Variants in ABI1 observed in about 807,000 individuals in gnomAD.
ABI1 encodes the protein abl interactor 1.
A neutral mutation model predicts 54.6 loss-of-function variants in ABI1; 14 were observed. That is an observed-to-expected ratio of 0.26 (90% CI 0.17 to 0.40). The LOEUF is 0.40. Ranked by LOEUF, ABI1 falls within the 10% of genes least tolerant of loss-of-function variation. The pLI is 1.00. For synonymous variants in ABI1, 194 were observed against 209.3 expected, an observed-to-expected ratio of 0.93 and a Z score of 0.63; for missense variants, 443 against 598.3, an observed-to-expected ratio of 0.74 and a Z score of 2.71.
chr10:26,785,723 T>TG (rs1480052580), intron 2 of ABI1, among the ~76,000 whole-genome samples: 4 of 148,824 alleles, frequency 2.7e-5, no homozygotes, highest in Admixed American at 2.0e-4. Context: ...AGACTCTGTC[T>TG]GGGAAAAAAA....
intron 1 of ABI1, among the ~76,000 whole-genome samples, chr10:26,834,337 T>A (rs1403686153): frequency 6.6e-6 from 1 of 151,990 alleles, no homozygotes; most frequent in Non-Finnish European, 1.5e-5. Flanking sequence ...TGGAATTACA[T>A]AAAGCTAAAA....
chr10:26,811,742 T>C (rs551471325), intron 2 of ABI1, among the ~76,000 whole-genome samples: 1 of 11,336 alleles, frequency 8.8e-5, no homozygotes, highest in African/African-American at 1.5e-4. Flanking sequence ...TATAAATTTG[T>C]ATAAATTTAT....
chr10:26,860,119 C>T lies in ABI1; in HGVS notation c.117+628G>A, dbSNP rs1008381077. On this transcript the variant is annotated intron_variant, in intron 1 of 10. Transcript: ENST00000376140. The surrounding 1 kb of genome is among the most constrained non-coding windows in gnomAD (Gnocchi z 4.1). Reference sequence around the variant, plus strand: ...CCTCACTCCCCACACCCGCTTCCTCCTCTCCTCCGGGAGGTCGGTGTAATG... The same window carrying T: ...CCTCACTCCCCACACCCGCTTCCTCTTCTCCTCCGGGAGGTCGGTGTAATG... Among the ~76,000 whole-genome samples, 4 of 152,198 alleles carry T rather than the reference C, an allele frequency of 2.6e-5. No individual in the cohort carries two copies. Among genetic ancestry groups the T allele is most frequent in the Admixed American group, 2.0e-4 (3 of 15,272 alleles).
intron 1 of ABI1, among the ~76,000 whole-genome samples, chr10:26,858,537 G>GAAAAAAAA (rs60132421): frequency 2.1e-5 from 2 of 94,272 alleles, no homozygotes; most frequent in African/African-American, 3.7e-5. Flanking sequence ...CACAAAAAAA[G>GAAAAAAAA]AAAAAAAAAA....
chr10:26,754,264 C>T (rs1037393694), intron 9 of ABI1, among the ~76,000 whole-genome samples: 6 of 152,200 alleles, frequency 3.9e-5, no homozygotes, highest in South Asian at 2.1e-4. Flanking sequence ...ATGCCCCAGC[C>T]TCAGCCTACC....
intron 1 of ABI1, among the ~76,000 whole-genome samples, chr10:26,858,187 A>G (rs1673404834): frequency 6.6e-6 from 1 of 152,218 alleles, no homozygotes; most frequent in African/African-American, 2.4e-5. Flanking sequence ...TATATTTAGG[A>G]AGAGTATTAG....
chr10:26,800,106 G>A (rs558786398), intron 2 of ABI1, among the ~76,000 whole-genome samples: 4 of 152,122 alleles, frequency 2.6e-5, no homozygotes, highest in African/African-American at 7.2e-5. Flanking sequence ...GAATCGGGCC[G>A]GGCGCAGTGG....
At chr10:26,826,787 G>A (rs1025523434) in intron 1 of ABI1, among the ~76,000 whole-genome samples, 4 of 152,266 alleles carry the variant, frequency 2.6e-5, no homozygotes, top group East Asian at 1.9e-4. Flanking sequence ...TCATGAACCC[G>A]CTGGCTTCCA....
chr10:26,773,758 T>C (rs139960916), intron 3 of ABI1, among the ~76,000 whole-genome samples: 5 of 152,304 alleles, frequency 3.3e-5, no homozygotes, highest in Non-Finnish European at 7.3e-5. Context: ...CTAGGAACTT[T>C]ACTAATCAGA....
intron 8 of ABI1, 102 bp downstream of exon 8, chr10:26,758,960 G>A: frequency 1.7e-6 from 2 of 1,159,052 alleles, no homozygotes; most frequent in Non-Finnish European, 1.2e-6. Flanking sequence ...GAAACATCAT[G>A]GTTTTCAATT....
chr10:26,795,269 CA>C (rs1844012141), intron 2 of ABI1, among the ~76,000 whole-genome samples: 1 of 151,874 alleles, frequency 6.6e-6, no homozygotes, highest in Non-Finnish European at 1.5e-5. Context: ...AAAGGATCTG[CA>C]ATCAGTGACA....
intron 1 of ABI1, among the ~76,000 whole-genome samples, chr10:26,832,358 G>A (rs1203883892): frequency 1.3e-5 from 2 of 152,060 alleles, no homozygotes; most frequent in African/African-American, 4.8e-5. Flanking sequence ...CAAGGCGGGC[G>A]GATCACGAGG....
intron 8 of ABI1, among the ~76,000 whole-genome samples, chr10:26,756,880 AAGTTC>A (rs1469696063): frequency 6.6e-6 from 1 of 152,158 alleles, no homozygotes; most frequent in East Asian, 1.9e-4. Flanking sequence ...AATTTGAAAG[AAGTTC>A]AGTGTTCAAA....
chr10:26,830,637 A>C (rs1024986418), intron 1 of ABI1, among the ~76,000 whole-genome samples: 35 of 151,820 alleles, frequency 2.3e-4, no homozygotes, highest in African/African-American at 2.7e-4. Flanking sequence ...AAAAAAAAAA[A>C]AAAACAAAAC....
At chr10:26,817,409 T>G (rs557199694) in intron 2 of ABI1, among the ~76,000 whole-genome samples, 1 of 152,260 alleles carries the variant, frequency 6.6e-6, no homozygotes, top group Admixed American at 6.5e-5. Context: ...ACAAAAAAAA[T>G]TATTTTAGCA....
chr10:26,780,235 G>A (rs1255159084), intron 2 of ABI1, among the ~76,000 whole-genome samples: 1 of 152,018 alleles, frequency 6.6e-6, no homozygotes, highest in Non-Finnish European at 1.5e-5. Flanking sequence ...ATGACCTTTT[G>A]TGTGTGTGTA....
intron 1 of ABI1, among the ~76,000 whole-genome samples, chr10:26,844,715 C>CCTT (rs1185264315): frequency 6.6e-6 from 1 of 152,182 alleles, no homozygotes; most frequent in Non-Finnish European, 1.5e-5. Flanking sequence ...CTGCAAATTA[C>CCTT]CTTCTGTAGG....
chr10:26,781,381 A>G (rs986190187), intron 2 of ABI1, among the ~76,000 whole-genome samples: 4 of 152,236 alleles, frequency 2.6e-5, no homozygotes, highest in African/African-American at 9.6e-5. Flanking sequence ...TCCCTTTGAG[A>G]AAGTCTGATC....
At chr10:26,797,808 A>G (rs906371565) in intron 2 of ABI1, among the ~76,000 whole-genome samples, 12 of 152,254 alleles carry the variant, frequency 7.9e-5, no homozygotes, top group African/African-American at 2.9e-4. Context: ...TGACTTTTCA[A>G]AGATGAGATT....
Sources: allele counts gnomAD v4.1 joint callset (sites outside exome capture counted in the v4.1 genomes callset), GRCh38; gene constraint gnomAD v4.1.1; non-coding constraint Gnocchi (gnomAD v3.1); transcripts MANE v1.5; gene names NCBI Gene and HGNC (gene_info 2026-07-23, HGNC 2026-07-21).